SIK2: variants seen among roughly 807,000 people sequenced by gnomAD.
SIK2 encodes the protein salt inducible kinase 2.
A neutral mutation model predicts 103.2 loss-of-function variants in SIK2; 29 were observed. The ratio of observed to expected loss-of-function variants is 0.28; its 90% CI spans 0.21 to 0.38. The LOEUF is 0.38. SIK2 is among the 10% of genes least tolerant of loss of function. The pLI is 1.00. For synonymous variants in SIK2, 412 were observed against 446.1 expected (o/e 0.92, Z 0.96); for missense variants, 879 against 1,171.0 (o/e 0.75, Z 3.64).
chr11:111,725,276 T>A lies in SIK2; in HGVS notation c.*1147T>A, dbSNP rs1033450546. On this transcript the variant is annotated 3_prime_UTR_variant, in exon 15 of 15. Transcript: ENST00000304987. ...TCACTTCAGAGTTTGTTTTCCACCA[T>A]GTGGGAATCAGCATTCTTAATTTCG... 37 of 152,774 alleles carry A rather than the reference T, an allele frequency of 2.4e-4. No individual in the cohort carries two copies. The highest frequency in any genetic ancestry group is 2.9e-5 in the Non-Finnish European group (2 of 68,028). 9.5% of individuals were successfully genotyped at this position (152,774 alleles called of 1,614,324 possible). A position where few individuals can be genotyped will look rare whatever the true frequency, so the allele number is the denominator to read the frequency against.
At chr11:111,620,500 G>A (rs1001125191) in intron 3 of SIK2, 98 bp downstream of exon 3, 7 of 724,468 alleles carry the variant, frequency 9.7e-6, no homozygotes, top group African/African-American at 9.2e-5. Context: ...TTAAGTGTTG[G>A]TAATATAAGT....
intron 3 of SIK2, among the ~76,000 whole-genome samples, chr11:111,622,247 C>CTTTT (rs71057079): frequency 7.6e-4 from 47 of 61,454 alleles, no homozygotes; most frequent in African/African-American, 1.3e-3. Context: ...ATTTTCTTTT[C>CTTTT]TTTTTTTTTT....
At chr11:111,696,473 T>C (rs1943072431) in intron 4 of SIK2, among the ~76,000 whole-genome samples, 2 of 152,182 alleles carry the variant, frequency 1.3e-5, no homozygotes. Flanking sequence ...AAAGTCAAAA[T>C]GAAGCCACGT....
Position 111,653,835 on chromosome 11 carries a change from C to T in SIK2, c.316+33433C>T, listed in dbSNP as rs78635632. Among the ~76,000 whole-genome samples the T allele has an allele frequency of 2.8e-3, 423 of 152,340 alleles. 3 individuals are homozygous for T. The highest frequency in any genetic ancestry group is 5.1e-3 in the Non-Finnish European group (345 of 68,036). Reference sequence around the variant, plus strand: ...TGTCTGTGGTGTAAATTAGCTTTTTCCCTTCTCAGATCTGTCTTCCTTTCC... The same window carrying T: ...TGTCTGTGGTGTAAATTAGCTTTTTTCCTTCTCAGATCTGTCTTCCTTTCC... On this transcript the variant is annotated intron_variant, in intron 3 of 14. Coordinates refer to ENST00000304987, the MANE Select transcript of SIK2 (RefSeq NM_015191.3).
At chr11:111,608,182 A>G (rs918383721) in intron 1 of SIK2, among the ~76,000 whole-genome samples, 6 of 152,228 alleles carry the variant, frequency 3.9e-5, no homozygotes, top group African/African-American at 1.4e-4. Context: ...CATCCTTCAC[A>G]GAGAAATAGC....
At chr11:111,672,740 GACTT>G (rs1455906130) in intron 3 of SIK2, among the ~76,000 whole-genome samples, 1 of 152,102 alleles carries the variant, frequency 6.6e-6, no homozygotes, top group Non-Finnish European at 1.5e-5. Flanking sequence ...AGGATACAAG[GACTT>G]TTAATGTCTT....
chr11:111,714,757 G>T (rs1943592289), intron 9 of SIK2, among the ~76,000 whole-genome samples: 1 of 152,180 alleles, frequency 6.6e-6, no homozygotes, highest in Admixed American at 6.5e-5. Flanking sequence ...CTCAGTGCGA[G>T]GCTGCCACAA....
In SIK2 at chr11:111,688,378, G is replaced by A. The variant is rs866801862; in HGVS notation, c.478+216G>A. ...TACACAGGTCAGAGCTACATCTGGG[G>A]TCTGATGTGTCCAGATTCCATTGGC... is the stretch of plus-strand genomic sequence containing the variant. On this transcript the variant is annotated intron_variant, in intron 4 of 14. Coordinates refer to ENST00000304987, the MANE Select transcript of SIK2 (RefSeq NM_015191.3). The surrounding 1 kb of genome is among the most constrained non-coding windows in gnomAD (Gnocchi z 4.2). 1.3e-5 allele frequency among the ~76,000 whole-genome samples: 2 copies of A among 152,174 alleles called. 1 individual carries two copies. Among genetic ancestry groups the A allele is most frequent in the Non-Finnish European group, 2.9e-5 (2 of 68,028 alleles).
chr11:111,630,620 G>C (rs1348652346), intron 3 of SIK2, among the ~76,000 whole-genome samples: 2 of 152,150 alleles, frequency 1.3e-5, no homozygotes, highest in African/African-American at 2.4e-5. Flanking sequence ...AGTTGGTTAT[G>C]CCTTTTATTA....
At chr11:111,626,355 G>T (rs556646833) in intron 3 of SIK2, among the ~76,000 whole-genome samples, 1 of 151,952 alleles carries the variant, frequency 6.6e-6, no homozygotes, top group East Asian at 1.9e-4. Flanking sequence ...ACAGCTTGAA[G>T]CCCAGCAGAA....
rs1171222632 is a variant in SIK2, at chr11:111,722,963, G to A, written c.2147+207G>A. Reference sequence around the variant, plus strand: ...TGTCAGGCACTGGCAGCCCCACAGTGTACTTTGTTTTCCTTTTCTTCTAGC... The same window carrying A: ...TGTCAGGCACTGGCAGCCCCACAGTATACTTTGTTTTCCTTTTCTTCTAGC... On this transcript the variant is annotated intron_variant, in intron 14 of 14. Transcript: ENST00000304987. The surrounding 1 kb of genome is among the most constrained non-coding windows in gnomAD (Gnocchi z 4.4). Among the ~76,000 whole-genome samples the A allele has an allele frequency of 6.6e-6, 1 of 152,216 alleles. No homozygotes were observed. The highest frequency in any genetic ancestry group is 6.5e-5 in the Admixed American group (1 of 15,278).
intron 3 of SIK2, among the ~76,000 whole-genome samples, chr11:111,633,155 C>T (rs912210971): frequency 6.6e-6 from 1 of 152,186 alleles, no homozygotes; most frequent in Non-Finnish European, 1.5e-5. Context: ...TGCTCTCTGC[C>T]TATTGAAATA....
chr11:111,714,967 C>A (rs1943599317), intron 9 of SIK2, among the ~76,000 whole-genome samples: 2 of 152,178 alleles, frequency 1.3e-5, no homozygotes, highest in South Asian at 4.1e-4. Flanking sequence ...AAAGGCTTGT[C>A]TGTGAGGGCA....
chr11:111,715,215 G>A (rs1323877805), intron 9 of SIK2, among the ~76,000 whole-genome samples: 5 of 152,174 alleles, frequency 3.3e-5, no homozygotes, highest in Non-Finnish European at 5.9e-5. Flanking sequence ...GACATCCTCC[G>A]GGCTTCTTTG....
intron 3 of SIK2, among the ~76,000 whole-genome samples, chr11:111,637,085 A>C (rs1942117539): frequency 6.6e-6 from 1 of 152,014 alleles, no homozygotes; most frequent in African/African-American, 2.4e-5. Context: ...TTCAGATATT[A>C]GGCTTTCTGA....
intron 1 of SIK2, 29 bp from the exon 2 acceptor site, chr11:111,616,214 A>G (rs1941804256): frequency 7.1e-7 from 1 of 1,416,280 alleles, no homozygotes; most frequent in Non-Finnish European, 1.0e-6. Context: ...TTGTATACTA[A>G]TTGTATTTAT....
At chr11:111,658,602 G>A (rs12286074) in intron 3 of SIK2, among the ~76,000 whole-genome samples, 6,198 of 152,146 alleles carry the variant, frequency 0.041, 432 homozygotes, top group African/African-American at 0.14. Context: ...AATTAGCCAG[G>A]CACAGTGGCA....
intron 1 of SIK2, among the ~76,000 whole-genome samples, chr11:111,604,970 T>G (rs1481498095): frequency 1.3e-5 from 2 of 151,580 alleles, no homozygotes; most frequent in Non-Finnish European, 2.9e-5. Context: ...TTTTTTTTTT[T>G]TTTTTGAGAC....
At chr11:111,647,884 A>G (rs1157608469) in intron 3 of SIK2, among the ~76,000 whole-genome samples, 4 of 152,110 alleles carry the variant, frequency 2.6e-5, no homozygotes, top group African/African-American at 9.7e-5. Flanking sequence ...AAAGAAAAAG[A>G]AAAACCTCCT....
Sources: allele counts gnomAD v4.1 joint callset (sites outside exome capture counted in the v4.1 genomes callset), GRCh38; gene constraint gnomAD v4.1.1; non-coding constraint Gnocchi (gnomAD v3.1); transcripts MANE v1.5; gene names NCBI Gene and HGNC (gene_info 2026-07-23, HGNC 2026-07-21).